Variants in TMEM87A observed in about 807,000 individuals in gnomAD.
TMEM87A encodes the protein transmembrane protein 87A.
TMEM87A carries 50 observed loss-of-function variants against 90.0 expected under a neutral mutation model. The observed-to-expected ratio is 0.56, with a 90% CI of 0.44 to 0.70. The LOEUF is 0.70. Ranked by LOEUF, TMEM87A falls within the 30% of genes least tolerant of loss-of-function variation. The probability of loss-of-function intolerance (pLI) is 0.00; values close to 1 mark genes in which losing one functional copy is unlikely to be tolerated. For synonymous variants in TMEM87A, 226 were observed against 226.7 expected, an observed-to-expected ratio of 1.00 and a Z score of 0.03; for missense variants, 577 against 660.5, an observed-to-expected ratio of 0.87 and a Z score of 1.39.
At position 42,264,683 on chromosome 15, in the gene TMEM87A, G is replaced by GTATA. The variant is rs1555409716; in HGVS notation, c.292-484_292-481dup. ...AACTCAGAACTATATATATGTGTGT[G>GTATA]TATATATATATATATATTTTTTTTT... On this transcript the variant is annotated intron_variant, in intron 3 of 19. Transcript: ENST00000389834. Among the ~76,000 whole-genome samples, 76 of 116,384 alleles carry GTATA rather than the reference G, an allele frequency of 6.5e-4. 2 individuals are homozygous for GTATA. The highest frequency in any genetic ancestry group is 9.8e-3 in the Middle Eastern group (2 of 204). The allele number at this position is 116,384 out of a possible 152,430, so 76.4% of individuals were successfully genotyped here. A position where few individuals can be genotyped will look rare whatever the true frequency, so the allele number is the denominator to read the frequency against.
chr15:42,273,283 CG>C lies in TMEM87A; in HGVS notation c.115del (p.Arg39GlyfsTer29). 6.2e-7 allele frequency: 1 copy of C among 1,614,098 alleles called. No homozygotes were observed. Among genetic ancestry groups the C allele is most frequent in the South Asian group, 1.1e-5 (1 of 91,074 alleles). ...AGPATVAAAD[R>X]SKWHIPIPSG... ...CGGTATCGGAATGTGCCATTTGGACCGGTCGGCAGCAGCTACGGTTGCCGGT... is the reference window on the plus strand; with the variant it reads ...CGGTATCGGAATGTGCCATTTGGACCGTCGGCAGCAGCTACGGTTGCCGGT... On this transcript the variant is annotated frameshift_variant, in exon 1 of 20. Transcript: ENST00000389834. LOFTEE classifies it high-confidence loss of function.
chr15:42,261,637 C>CT (rs3035840), intron 4 of TMEM87A, among the ~76,000 whole-genome samples: 29,937 of 143,544 alleles, frequency 0.21, 3,853 homozygotes, highest in African/African-American at 0.33. Context: ...ACCTAATATT[C>CT]TTTTTTTTTT....
In TMEM87A at chr15:42,227,597, A is replaced by G. The variant is rs578246800; in HGVS notation, c.1299+114T>C. ...AAGTATCACAACCCTCAGAGTAGAG[A>G]CCTAGCTCTAATTTTTTATAAGGTA... On this transcript the variant is annotated intron_variant, in intron 14 of 19. Transcript: ENST00000389834. 4.1e-4 allele frequency: 346 copies of G among 841,132 alleles called. 3 individuals are homozygous for G. The highest frequency in any genetic ancestry group is 2.6e-3 in the South Asian group (167 of 64,966). The allele number at this position is 841,132 out of a possible 1,614,324, so 52.1% of individuals were successfully genotyped here.
At chr15:42,245,997 T>C (rs752621945) in intron 6 of TMEM87A, among the ~76,000 whole-genome samples, 8 of 152,356 alleles carry the variant, frequency 5.3e-5, no homozygotes, top group Non-Finnish European at 1.2e-4. Flanking sequence ...CTCTATCTAG[T>C]TCCAAAACAT....
intron 15 of TMEM87A, chr15:42,224,647 A>G (rs147749573): frequency 2.6e-5 from 4 of 152,342 alleles, no homozygotes; most frequent in Non-Finnish European, 5.9e-5. Context: ...CACACCTCAA[A>G]CTGGAAATAT....
intron 12 of TMEM87A, 45 bp downstream of exon 12, chr15:42,231,147 G>C (rs201755386): frequency 1.4e-6 from 2 of 1,464,688 alleles, no homozygotes; most frequent in African/African-American, 2.9e-5. Context: ...CCCATCTCAA[G>C]GGGAGAAAAT....
At chr15:42,261,112 C>A in intron 5 of TMEM87A, 84 bp downstream of exon 5, 2 of 1,544,774 alleles carry the variant, frequency 1.3e-6, no homozygotes, top group East Asian at 2.3e-5. Flanking sequence ...GCACTCCCTC[C>A]TTAGAGATGC....
At chr15:42,264,699 A>ATATATATATATATTTTTTTTTTT (rs10681614) in intron 3 of TMEM87A, among the ~76,000 whole-genome samples, 1 of 109,424 alleles carries the variant, frequency 9.1e-6, no homozygotes, top group African/African-American at 3.1e-5. Flanking sequence ...ATATATATAT[A>ATATATATATATATTTTTTTTTTT]TTTTTTTTTT....
intron 6 of TMEM87A, among the ~76,000 whole-genome samples, chr15:42,247,826 G>C (rs1180943648): frequency 6.6e-6 from 1 of 152,176 alleles, no homozygotes; most frequent in African/African-American, 2.4e-5. Flanking sequence ...TGTGAAGAAA[G>C]TCATTGGTAG....
In TMEM87A at chr15:42,228,813, A is replaced by C; in HGVS notation, c.1139T>G (p.Ile380Ser). The C allele has an allele frequency of 6.3e-7, 1 of 1,585,198 alleles. No individual in the cohort carries two copies. The highest frequency in any genetic ancestry group is 8.6e-7 in the Non-Finnish European group (1 of 1,169,150). The change falls in exon 13 of 20, where the codon ATT becomes AGT. Residue 380 changes from isoleucine to serine, a missense_variant. Coordinates refer to ENST00000389834, the MANE Select transcript of TMEM87A (RefSeq NM_015497.5). ...TAGCTTCATTGTTTGAGTCAGGCTA[A>C]TAAATATGTGTTTGCAGGTCAAGGA... Reference protein sequence around the residue: ...LDTALCWWIFISLTQTMKLLK... With the variant: ...LDTALCWWIFSSLTQTMKLLK...
At chr15:42,266,216 A>C (rs2051400739) in intron 3 of TMEM87A, among the ~76,000 whole-genome samples, 1 of 152,218 alleles carries the variant, frequency 6.6e-6, no homozygotes, top group African/African-American at 2.4e-5. Flanking sequence ...GTTGAACCAT[A>C]GACAAAACTA....
At chr15:42,236,463 G>C (rs369961223) in intron 9 of TMEM87A, 44 bp from the exon 10 acceptor site, 563 of 1,558,302 alleles carry the variant, frequency 3.6e-4, no homozygotes, top group South Asian at 7.1e-4. Context: ...TCTAGGTTTG[G>C]CAACAGGCCA....
chr15:42,239,877 A>G (rs1029147414), intron 7 of TMEM87A, 146 bp from the exon 8 acceptor site: 2 of 720,246 alleles, frequency 2.8e-6, no homozygotes, highest in African/African-American at 3.5e-5. Context: ...ATTACATTAT[A>G]TTTGTACAGC....
intron 19 of TMEM87A, among the ~76,000 whole-genome samples, chr15:42,212,539 A>G (rs572133819): frequency 6.6e-6 from 1 of 152,178 alleles, no homozygotes; most frequent in South Asian, 2.1e-4. Flanking sequence ...TCATACTGGG[A>G]ATTTTTCTTG....
intron 4 of TMEM87A, among the ~76,000 whole-genome samples, chr15:42,262,963 G>A (rs145292238): frequency 3.9e-4 from 59 of 152,210 alleles, no homozygotes; most frequent in Admixed American, 1.0e-3. Flanking sequence ...ATATGTGTAA[G>A]CACGAAAAAT....
intron 6 of TMEM87A, among the ~76,000 whole-genome samples, chr15:42,248,492 A>G (rs968028028): frequency 1.3e-5 from 2 of 152,020 alleles, no homozygotes; most frequent in African/African-American, 4.8e-5. Context: ...TTTAGCATGA[A>G]GGGCTGTTGA....
At chr15:42,229,367 C>A (rs2050648957) in intron 12 of TMEM87A, among the ~76,000 whole-genome samples, 1 of 147,400 alleles carries the variant, frequency 6.8e-6, no homozygotes, top group Admixed American at 6.8e-5. Flanking sequence ...TAAGAATGTA[C>A]AAAATCACAA....
At chr15:42,262,470 A>C (rs1211352546) in intron 4 of TMEM87A, among the ~76,000 whole-genome samples, 2 of 130,996 alleles carry the variant, frequency 1.5e-5, no homozygotes, top group African/African-American at 6.0e-5. Flanking sequence ...ACCAAGTTTC[A>C]CTCTTGTCGC....
intron 6 of TMEM87A, among the ~76,000 whole-genome samples, chr15:42,250,474 A>T (rs752096026): frequency 6.6e-6 from 1 of 152,160 alleles, no homozygotes; most frequent in Non-Finnish European, 1.5e-5. Context: ...GGTGACAAAA[A>T]TCTCTCAGCA....
Sources: allele counts gnomAD v4.1 joint callset (sites outside exome capture counted in the v4.1 genomes callset), GRCh38; gene constraint gnomAD v4.1.1; transcripts MANE v1.5; gene names NCBI Gene and HGNC (gene_info 2026-07-23, HGNC 2026-07-21).